UMAD1: variants seen among roughly 807,000 people sequenced by gnomAD.
UMAD1 encodes the protein UBAP1-MVB12-associated (UMA) domain containing 1.
Under a neutral mutation model 6.1 loss-of-function variants are expected in UMAD1, and 8 were observed. The ratio of observed to expected loss-of-function variants is 1.30; its 90% CI spans 0.76 to 2.35. The LOEUF (loss-of-function observed/expected upper bound fraction) is 2.35, where lower values mean the gene tolerates loss of function less well. UMAD1 is among the 30% of genes most tolerant of loss of function. The pLI is 0.00. For synonymous variants in UMAD1, 56 were observed against 31.4 expected (o/e 1.78, Z -2.61); for missense variants, 130 against 78.4 (o/e 1.66, Z -2.49).
chr7:7,877,791 C>G lies in UMAD1; in HGVS notation c.*253C>G. ...GCTATGAAGGTTTTAGGAAAGGACT[C>G]GATTCCTTCAGATGGTCTCTCAAAA... On this transcript the variant is annotated 3_prime_UTR_variant, in exon 4 of 4. Transcript: ENST00000682710. The G allele has an allele frequency of 2.3e-6, 1 of 431,194 alleles. No homozygotes were observed. Among genetic ancestry groups the G allele is most frequent in the Non-Finnish European group, 4.2e-6 (1 of 240,690 alleles). The allele number at this position is 431,194 out of a possible 1,614,324, so 26.7% of individuals were successfully genotyped here. A position where few individuals can be genotyped will look rare whatever the true frequency, so the allele number is the denominator to read the frequency against.
intron 2 of UMAD1, among the ~76,000 whole-genome samples, chr7:7,771,737 G>A (rs1031533163): frequency 6.6e-5 from 10 of 152,088 alleles, no homozygotes; most frequent in African/African-American, 2.2e-4. Context: ...GCCACTGAGG[G>A]CATGGTTTGG....
chr7:7,686,198 T>C (rs1780038440), intron 2 of UMAD1, among the ~76,000 whole-genome samples: 1 of 152,134 alleles, frequency 6.6e-6, no homozygotes, highest in Non-Finnish European at 1.5e-5. Context: ...GTGGGGCAGA[T>C]TGTGTAAAGT....
intron 3 of UMAD1, among the ~76,000 whole-genome samples, chr7:7,864,502 G>A (rs1002604459): frequency 5.3e-5 from 8 of 151,628 alleles, no homozygotes; most frequent in South Asian, 2.1e-4. Flanking sequence ...TGGGGACAAC[G>A]CAGACACGCC....
chr7:7,665,890 C>A (rs545450487), intron 1 of UMAD1, among the ~76,000 whole-genome samples: 1 of 151,272 alleles, frequency 6.6e-6, no homozygotes, highest in Admixed American at 6.6e-5. Flanking sequence ...CTTTTACTAC[C>A]GAATGGGATG....
intron 1 of UMAD1, among the ~76,000 whole-genome samples, chr7:7,643,584 G>C (rs952588970): frequency 6.6e-5 from 10 of 151,968 alleles, no homozygotes; most frequent in Admixed American, 4.6e-4. Flanking sequence ...CGATGGCGGG[G>C]GCCTGTAGTC....
intron 3 of UMAD1, among the ~76,000 whole-genome samples, chr7:7,804,086 T>G (rs1030416574): frequency 1.3e-5 from 2 of 152,184 alleles, no homozygotes; most frequent in African/African-American, 4.8e-5. Flanking sequence ...TGTTAATCAT[T>G]AAGGCTGGAT....
chr7:7,751,869 A>G lies in UMAD1; in HGVS notation c.83-49801A>G, dbSNP rs187776495. Among the ~76,000 whole-genome samples, 120 of 152,334 alleles carry G rather than the reference A, an allele frequency of 7.9e-4. 1 individual carries two copies. In the South Asian group the frequency reaches 0.022, roughly 28 times the overall value. ...TTAAGCATAATTAGTTAAGACTGCTATCTCTTTTCTACTCTGACGGTCCTT... is the reference window on the plus strand; with the variant it reads ...TTAAGCATAATTAGTTAAGACTGCTGTCTCTTTTCTACTCTGACGGTCCTT... On this transcript the variant is annotated intron_variant, in intron 2 of 3. Coordinates refer to ENST00000682710, the MANE Select transcript of UMAD1 (RefSeq NM_001302348.2).
At chr7:7,776,431 A>G (rs1782209266) in intron 2 of UMAD1, among the ~76,000 whole-genome samples, 1 of 152,238 alleles carries the variant, frequency 6.6e-6, no homozygotes, top group Non-Finnish European at 1.5e-5. Context: ...ACAGGGTTAT[A>G]CAGATAGAGA....
rs1325947575 is a variant in UMAD1, at chr7:7,786,225, C to T, written c.83-15445C>T. ...TACTCGGGATGTCTCTTTAATTTCC[C>T]TCCATCTTGAATGGTTCCTCAGTGT... On this transcript the variant is annotated intron_variant, in intron 2 of 3. Transcript: ENST00000682710. 3.3e-5 allele frequency among the ~76,000 whole-genome samples: 5 copies of T among 152,198 alleles called. No homozygotes were observed. The East Asian group carries it at 7.7e-4, about 23-fold the overall frequency.
At chr7:7,686,213 T>C (rs928059333) in intron 2 of UMAD1, among the ~76,000 whole-genome samples, 5 of 152,172 alleles carry the variant, frequency 3.3e-5, no homozygotes, top group Admixed American at 1.3e-4. Flanking sequence ...TAAAGTTATA[T>C]AGCTTCAGAA....
intron 2 of UMAD1, among the ~76,000 whole-genome samples, chr7:7,789,773 G>C (rs6971983): frequency 6.6e-6 from 1 of 152,136 alleles, no homozygotes; most frequent in Non-Finnish European, 1.5e-5. Flanking sequence ...CCATGTTGTA[G>C]CATGTATCAA....
intron 2 of UMAD1, among the ~76,000 whole-genome samples, 161 bp downstream of exon 2, chr7:7,673,614 A>T (rs370529657): frequency 5.9e-5 from 9 of 152,218 alleles, no homozygotes; most frequent in African/African-American, 1.7e-4. Context: ...AAAGTCATCA[A>T]TTACTTGGAA....
At chr7:7,706,323 C>A (rs938288023) in intron 2 of UMAD1, among the ~76,000 whole-genome samples, 1 of 152,110 alleles carries the variant, frequency 6.6e-6, no homozygotes, top group South Asian at 2.1e-4. Context: ...AGTAGTGAGG[C>A]TGCTCATGTT....
At chr7:7,680,563 C>A (rs116365281) in intron 2 of UMAD1, among the ~76,000 whole-genome samples, 2,819 of 151,958 alleles carry the variant, frequency 0.019, 86 homozygotes, top group African/African-American at 0.065. Context: ...TTATTTTTTC[C>A]ATTTCTGTGA....
chr7:7,789,561 C>T (rs1461149219), intron 2 of UMAD1, among the ~76,000 whole-genome samples: 3 of 151,486 alleles, frequency 2.0e-5, no homozygotes, highest in African/African-American at 7.3e-5. Context: ...CATTGTTGTA[C>T]AACAGATCTC....
At chr7:7,788,321 T>A (rs748625229) in intron 2 of UMAD1, among the ~76,000 whole-genome samples, 1 of 152,208 alleles carries the variant, frequency 6.6e-6, no homozygotes, top group Non-Finnish European at 1.5e-5. Context: ...GTTAGCTGGT[T>A]GAAATCTGGG....
intron 2 of UMAD1, among the ~76,000 whole-genome samples, chr7:7,729,684 A>G (rs1781210128): frequency 6.6e-6 from 1 of 152,156 alleles, no homozygotes; most frequent in Non-Finnish European, 1.5e-5. Flanking sequence ...TCTAAAATTC[A>G]GGATGCCCTG....
rs1215358584 is a variant in UMAD1 at position 7,824,790 on chromosome 7, T to C, written c.156+23047T>C. On this transcript the variant is annotated intron_variant, in intron 3 of 3. Coordinates refer to ENST00000682710, the MANE Select transcript of UMAD1 (RefSeq NM_001302348.2). ...ATCAGCTTTCCACTTGGTAAAACTTTAGGTAAATTTCATCCTGTTAAACTG... is the reference window on the plus strand; with the variant it reads ...ATCAGCTTTCCACTTGGTAAAACTTCAGGTAAATTTCATCCTGTTAAACTG... Among the ~76,000 whole-genome samples, 3 of 152,178 alleles carry C rather than the reference T, an allele frequency of 2.0e-5. No individual in the cohort carries two copies. In the East Asian group the frequency reaches 5.8e-4, roughly 29 times the overall value.
chr7:7,831,169 A>G (rs1008976940), intron 3 of UMAD1, among the ~76,000 whole-genome samples: 6 of 152,198 alleles, frequency 3.9e-5, no homozygotes, highest in African/African-American at 1.4e-4. Flanking sequence ...AGTTACAGTT[A>G]AGGTGACATT....
Sources: allele counts gnomAD v4.1 joint callset (sites outside exome capture counted in the v4.1 genomes callset), GRCh38; gene constraint gnomAD v4.1.1; transcripts MANE v1.5; gene names NCBI Gene and HGNC (gene_info 2026-07-23, HGNC 2026-07-21).